Variants in JAKMIP1 observed in about 807,000 individuals in gnomAD.
The protein encoded by JAKMIP1 is janus kinase and microtubule-interacting protein 1.
Under a neutral mutation model 113.0 loss-of-function variants are expected in JAKMIP1, and 33 were observed. The observed-to-expected ratio is 0.29, with a 90% CI of 0.22 to 0.39. The LOEUF is 0.39. Ranked by LOEUF, JAKMIP1 falls within the 10% of genes least tolerant of loss-of-function variation. The pLI, the probability that JAKMIP1 is intolerant of heterozygous loss-of-function variation, is 1.00. For synonymous variants in JAKMIP1, 480 were observed against 459.9 expected (o/e 1.04, Z -0.56); for missense variants, 813 against 1,080.5 (o/e 0.75, Z 3.47).
chr4:6,122,552 A>G (rs1024850098), intron 1 of JAKMIP1, among the ~76,000 whole-genome samples: 1 of 152,232 alleles, frequency 6.6e-6, no homozygotes, highest in African/African-American at 2.4e-5. Context: ...GGCATGGCAG[A>G]GGCCTTATGA....
chr4:6,172,858 C>T (rs975220994), intron 1 of JAKMIP1, among the ~76,000 whole-genome samples: 8 of 152,060 alleles, frequency 5.3e-5, no homozygotes, highest in Non-Finnish European at 8.8e-5. Flanking sequence ...GCTCCCAGAT[C>T]GAGTGCAGAG....
chr4:6,125,344 C>G (rs966665369), intron 1 of JAKMIP1, among the ~76,000 whole-genome samples: 5 of 152,074 alleles, frequency 3.3e-5, no homozygotes, highest in African/African-American at 1.2e-4. Context: ...CAAGCCCCTC[C>G]CCGCAGACAG....
At chr4:6,124,527 G>C (rs1050950625) in intron 1 of JAKMIP1, among the ~76,000 whole-genome samples, 1 of 152,204 alleles carries the variant, frequency 6.6e-6, no homozygotes, top group Non-Finnish European at 1.5e-5. Flanking sequence ...ACCCTTGCCT[G>C]TCTGCATTCG....
chr4:6,105,380 G>A (rs890059783), intron 3 of JAKMIP1, 93 bp downstream of exon 3: 1 of 1,307,386 alleles, frequency 7.6e-7, no homozygotes, highest in Non-Finnish European at 1.0e-6. Context: ...ACAATGCCTG[G>A]AGCACAGCAG....
intron 7 of JAKMIP1, 49 bp from the exon 8 acceptor site, chr4:6,079,047 C>G: frequency 1.9e-6 from 3 of 1,605,156 alleles, no homozygotes; most frequent in Non-Finnish European, 2.6e-6. Flanking sequence ...TCACATCTCA[C>G]AAACCAAAGC....
intron 19 of JAKMIP1, among the ~76,000 whole-genome samples, chr4:6,032,687 C>G (rs1397340407): frequency 6.6e-6 from 1 of 152,012 alleles, no homozygotes; most frequent in Non-Finnish European, 1.5e-5. Context: ...CAAAACAAAA[C>G]AAAACAAAAC....
chr4:6,062,532 C>G (rs1359985584), intron 9 of JAKMIP1, 92 bp from the exon 10 acceptor site: 11 of 1,365,874 alleles, frequency 8.1e-6, no homozygotes, highest in Admixed American at 1.9e-5. Context: ...CATAAATAAA[C>G]ACTTGCTATG....
At position 6,059,264 on chromosome 4, in the gene JAKMIP1, T is replaced by C. The variant is rs185963360; in HGVS notation, c.1644+1160A>G. 5.3e-5 allele frequency among the ~76,000 whole-genome samples: 8 copies of C among 152,318 alleles called. No homozygotes were observed. In the East Asian group the frequency reaches 1.2e-3, roughly 22 times the overall value. ...TGACCTGCTCTGTGCCAGGCATGCA[T>C]GCTGGTCGCTGGCCGTCCGCCTCCA... On this transcript the variant is annotated intron_variant, in intron 11 of 20. Transcript: ENST00000409021. This position sits in a 1 kb window ranked among gnomAD's most constrained non-coding sequence, Gnocchi z 4.8.
chr4:6,102,316 T>C (rs1239866837), intron 3 of JAKMIP1, among the ~76,000 whole-genome samples: 4 of 152,358 alleles, frequency 2.6e-5, no homozygotes, highest in East Asian at 3.9e-4. Flanking sequence ...CAAAAATTCA[T>C]ACATTGAAAC....
In JAKMIP1 at chr4:6,093,715, C is replaced by T. The variant is rs1385139957; in HGVS notation, c.625-8086G>A. ...CCACCTGTACAGGGAGGTGTGGCTG[C>T]CGTGCCCTGAAAAGTATCCTGTCTC... On this transcript the variant is annotated intron_variant, in intron 3 of 20. Transcript: ENST00000409021. This position sits in a 1 kb window ranked among gnomAD's most constrained non-coding sequence, Gnocchi z 4.6. Among the ~76,000 whole-genome samples, 1 of 152,062 alleles carries T rather than the reference C, an allele frequency of 6.6e-6. No individual in the cohort carries two copies. The highest frequency in any genetic ancestry group is 1.5e-5 in the Non-Finnish European group (1 of 68,016).
chr4:6,090,109 C>A (rs1450649323), intron 3 of JAKMIP1, among the ~76,000 whole-genome samples: 1 of 151,936 alleles, frequency 6.6e-6, no homozygotes, highest in Admixed American at 6.6e-5. Flanking sequence ...GTAATCCCAG[C>A]TATTAGGGAG....
At position 6,076,176 on chromosome 4, in the gene JAKMIP1, C is replaced by CA. The variant is rs960593294; in HGVS notation, c.1302+2762dup. Among the ~76,000 whole-genome samples the CA allele has an allele frequency of 5.3e-5, 8 of 151,436 alleles. No homozygotes were observed. Among genetic ancestry groups the CA allele is most frequent in the Non-Finnish European group, 8.8e-5 (6 of 67,876 alleles). On this transcript the variant is annotated intron_variant, in intron 8 of 20. Coordinates refer to ENST00000409021, the MANE Select transcript of JAKMIP1 (RefSeq NM_001099433.2). The surrounding 1 kb of genome is among the most constrained non-coding windows in gnomAD (Gnocchi z 4.8). Reference sequence around the variant, plus strand: ...AGGCAACAAGAGCGAAACTCCATCTCAAAAAAAATTAGTAAATAAATAAAA... The same window carrying CA: ...AGGCAACAAGAGCGAAACTCCATCTCAAAAAAAAATTAGTAAATAAATAAAA...
Position 6,029,713 on chromosome 4 carries a change from T to C in JAKMIP1, c.2445+3A>G, listed in dbSNP as rs1483612057. The C allele has an allele frequency of 6.3e-6, 10 of 1,594,008 alleles. No homozygotes were observed. Among genetic ancestry groups the C allele is most frequent in the Non-Finnish European group, 6.9e-6 (8 of 1,167,592 alleles). ...GGGGACAGTCTGAGCTGCAGTCACC[T>C]ACCTTTTCCTCCAGTTCTTTCAGGT... On this transcript the variant is annotated splice_donor_region_variant and intron_variant, in intron 20 of 20. Transcript: ENST00000409021.
chr4:6,048,660 T>C (rs1239309278), intron 16 of JAKMIP1, among the ~76,000 whole-genome samples, 197 bp downstream of exon 16: 1 of 152,252 alleles, frequency 6.6e-6, no homozygotes, highest in East Asian at 1.9e-4. Context: ...GATTTCCTCC[T>C]GCGTCTCTGG....
intron 1 of JAKMIP1, among the ~76,000 whole-genome samples, chr4:6,175,620 C>T (rs1725257122): frequency 6.6e-6 from 1 of 152,168 alleles, no homozygotes; most frequent in African/African-American, 2.4e-5. Context: ...GGACTCACTC[C>T]AGCATGGCTG....
intron 1 of JAKMIP1, among the ~76,000 whole-genome samples, chr4:6,195,411 A>C (rs1727736803): frequency 6.6e-6 from 1 of 152,200 alleles, no homozygotes; most frequent in Admixed American, 6.5e-5. Context: ...ACCATGATTA[A>C]ATATTTTAAT....
At position 6,159,207 on chromosome 4, in the gene JAKMIP1, T is replaced by C. The variant is rs144607394; in HGVS notation, c.-148+41046A>G. On this transcript the variant is annotated intron_variant, in intron 1 of 20. Transcript: ENST00000409021. ...CTATTTAGGAACGAATAAAACTGGA[T>C]AGCCACCTACAGCCTCACAGCAAAA... 1.7e-3 allele frequency among the ~76,000 whole-genome samples: 254 copies of C among 152,024 alleles called. 3 individuals are homozygous for C. Among genetic ancestry groups the C allele is most frequent in the African/African-American group, 5.8e-3 (239 of 41,470 alleles).
At chr4:6,100,558 T>G (rs868021540) in intron 3 of JAKMIP1, among the ~76,000 whole-genome samples, 1 of 152,232 alleles carries the variant, frequency 6.6e-6, no homozygotes, top group African/African-American at 2.4e-5. Context: ...AATCTTTATA[T>G]AGATATGTGT....
At chr4:6,173,282 T>C (rs1014747236) in intron 1 of JAKMIP1, among the ~76,000 whole-genome samples, 1 of 152,164 alleles carries the variant, frequency 6.6e-6, no homozygotes, top group African/African-American at 2.4e-5. Flanking sequence ...AATCAAACTC[T>C]AATAAAAATG....
Sources: gnomAD v4.1 joint callset for allele counts (sites outside exome capture counted in the v4.1 genomes callset) on GRCh38, gnomAD v4.1.1 for gene constraint, Gnocchi (gnomAD v3.1) non-coding constraint, MANE v1.5 for transcripts, NCBI Gene and HGNC (gene_info 2026-07-23, HGNC 2026-07-21) for gene names.